FILIP1: variants seen among roughly 807,000 people sequenced by gnomAD.
FILIP1 encodes filamin A interacting protein 1, also known as filamin-A-interacting protein 1.
FILIP1 carries 61 observed loss-of-function variants against 102.1 expected under a neutral mutation model. The ratio of observed to expected loss-of-function variants is 0.60; its 90% CI spans 0.49 to 0.74. The LOEUF (loss-of-function observed/expected upper bound fraction) is 0.74, where lower values mean the gene tolerates loss of function less well. Among genes scored for constraint, FILIP1 ranks in the 30% least tolerant of loss-of-function variants. The pLI is 0.00. For synonymous variants in FILIP1, 491 were observed against 526.9 expected, an observed-to-expected ratio of 0.93 and a Z score of 0.93; for missense variants, 1,314 against 1,441.2, an observed-to-expected ratio of 0.91 and a Z score of 1.43.
chr6:75,485,217 T>A (rs1350864320), intron 1 of FILIP1, among the ~76,000 whole-genome samples: 1 of 152,214 alleles, frequency 6.6e-6, no homozygotes, highest in Non-Finnish European at 1.5e-5. Context: ...GTAACACATC[T>A]CTGCCTTTAC....
chr6:75,468,910 A>C (rs1779251214), intron 1 of FILIP1, among the ~76,000 whole-genome samples: 1 of 152,128 alleles, frequency 6.6e-6, no homozygotes. Flanking sequence ...GGAGCAAGAA[A>C]AAAAAGTTAA....
intron 3 of FILIP1, among the ~76,000 whole-genome samples, chr6:75,359,991 G>A (rs968899026): frequency 6.6e-6 from 1 of 152,198 alleles, no homozygotes; most frequent in African/African-American, 2.4e-5. Context: ...TAGACTTTAC[G>A]AAAAGACAGG....
chr6:75,381,023 C>CT (rs1327355757), intron 2 of FILIP1, among the ~76,000 whole-genome samples: 1 of 152,056 alleles, frequency 6.6e-6, no homozygotes, highest in Admixed American at 6.5e-5. Context: ...GTATTGCTCT[C>CT]TTTTGAAACT....
chr6:75,357,990 T>C (rs935872981), intron 3 of FILIP1, among the ~76,000 whole-genome samples: 1 of 152,186 alleles, frequency 6.6e-6, no homozygotes, highest in African/African-American at 2.4e-5. Context: ...CTAGTGAAAG[T>C]AGAATAGGCA....
At chr6:75,407,849 T>C (rs189087568) in intron 2 of FILIP1, among the ~76,000 whole-genome samples, 1 of 152,318 alleles carries the variant, frequency 6.6e-6, no homozygotes, top group Admixed American at 6.5e-5. Context: ...AAATGGCTAT[T>C]TTTTTGCATC....
At chr6:75,365,463 C>T (rs1221374615) in intron 2 of FILIP1, among the ~76,000 whole-genome samples, 5 of 152,142 alleles carry the variant, frequency 3.3e-5, no homozygotes, top group African/African-American at 1.2e-4. Flanking sequence ...CTCCACCTCC[C>T]GGGTTCAAGC....
At chr6:75,484,387 G>GAAAGTACTGTCTTTTAAAGTACTTTT (rs145903114) in intron 1 of FILIP1, among the ~76,000 whole-genome samples, 6 of 139,186 alleles carry the variant, frequency 4.3e-5, no homozygotes, top group African/African-American at 1.6e-4. Context: ...CTCATCATTT[G>GAAAGTACTGTCTTTTAAAGTACTTTT]AAAGTACTGT....
downstream of FILIP1, among the ~76,000 whole-genome samples, chr6:75,304,804 AC>A: frequency 6.6e-6 from 1 of 152,278 alleles, no homozygotes; most frequent in South Asian, 2.1e-4. Flanking sequence ...GGGGGAAAAA[AC>A]TGTGGGCTCA....
At chr6:75,345,788 T>C (rs1268606885) in intron 4 of FILIP1, among the ~76,000 whole-genome samples, 1 of 152,148 alleles carries the variant, frequency 6.6e-6, no homozygotes, top group East Asian at 1.9e-4. Context: ...TTCTGCCTAT[T>C]GAACTTTCTA....
intron 5 of FILIP1, among the ~76,000 whole-genome samples, chr6:75,310,199 C>T (rs1773134211): frequency 6.6e-6 from 1 of 152,262 alleles, no homozygotes; most frequent in Non-Finnish European, 1.5e-5. Context: ...GCTGTTCTGT[C>T]TACAAAATCC....
At chr6:75,365,678 C>T (rs1377886056) in intron 2 of FILIP1, among the ~76,000 whole-genome samples, 2 of 152,094 alleles carry the variant, frequency 1.3e-5, no homozygotes, top group African/African-American at 4.8e-5. Context: ...TGAGCCACTG[C>T]ACCTGGCCTA....
intron 4 of FILIP1, among the ~76,000 whole-genome samples, chr6:75,347,150 A>T (rs1018018178): frequency 6.6e-6 from 1 of 152,230 alleles, no homozygotes; most frequent in Non-Finnish European, 1.5e-5. Flanking sequence ...GTAAGAAGTT[A>T]GGAGTGCGAA....
chr6:75,384,344 T>G (rs548888895), intron 2 of FILIP1, among the ~76,000 whole-genome samples: 158 of 152,352 alleles, frequency 1.0e-3, no homozygotes, highest in African/African-American at 3.6e-3. Flanking sequence ...CCTTGCTTTA[T>G]ATGGAAGTTG....
chr6:75,384,337 T>C (rs73457760), intron 2 of FILIP1, among the ~76,000 whole-genome samples: 1,753 of 152,340 alleles, frequency 0.012, 41 homozygotes, highest in African/African-American at 0.04. Context: ...TCCTGCTCCT[T>C]GCTTTATATG....
chr6:75,307,294 T>A (rs1773016627), downstream of FILIP1, among the ~76,000 whole-genome samples: 1 of 152,202 alleles, frequency 6.6e-6, no homozygotes, highest in African/African-American at 2.4e-5. Context: ...TCATGAAACA[T>A]GTTGAATCAT....
rs181365869 is a variant in FILIP1, at chr6:75,377,727, C to A, written c.277-14810G>T. ...GTGTGTATGTGTGGATCCTACTTATCCATCAACAATTTATTGTGCTTCTTC... is the reference window on the plus strand; with the variant it reads ...GTGTGTATGTGTGGATCCTACTTATACATCAACAATTTATTGTGCTTCTTC... On this transcript the variant is annotated intron_variant, in intron 2 of 5. Coordinates refer to ENST00000237172, the MANE Select transcript of FILIP1 (RefSeq NM_015687.5). 2.7e-4 allele frequency among the ~76,000 whole-genome samples: 41 copies of A among 152,322 alleles called. 1 individual carries two copies. The highest frequency in any genetic ancestry group is 1.6e-3 in the Admixed American group (24 of 15,296).
At chr6:75,475,202 T>G (rs1779439512) in intron 1 of FILIP1, among the ~76,000 whole-genome samples, 1 of 152,246 alleles carries the variant, frequency 6.6e-6, no homozygotes, top group Non-Finnish European at 1.5e-5. Flanking sequence ...AAGCATATCT[T>G]AAATATAAAT....
chr6:75,372,539 T>C lies in FILIP1; in HGVS notation c.277-9622A>G, dbSNP rs1251045969. On this transcript the variant is annotated intron_variant, in intron 2 of 5. Transcript: ENST00000237172. ...AAAGATACTCAATATCACAAGTCAT[T>C]AGGGAAACACAAATCAAAACTACAA... is the stretch of plus-strand genomic sequence containing the variant. 3.4e-5 allele frequency among the ~76,000 whole-genome samples: 5 copies of C among 148,598 alleles called. No homozygotes were observed. The South Asian group carries it at 6.4e-4, about 19-fold the overall frequency.
At chr6:75,301,305 T>A (rs1772829085) in intron 6 of FILIP1, among the ~76,000 whole-genome samples, 1 of 152,224 alleles carries the variant, frequency 6.6e-6, no homozygotes, top group African/African-American at 2.4e-5. Flanking sequence ...TGTTTCAGTC[T>A]ATGTATGAAT....
Sources: gnomAD v4.1 joint callset for allele counts (sites outside exome capture counted in the v4.1 genomes callset) on GRCh38, gnomAD v4.1.1 for gene constraint, MANE v1.5 for transcripts, NCBI Gene and HGNC (gene_info 2026-07-23, HGNC 2026-07-21) for gene names.